Variants in RIMS2 observed in about 807,000 individuals in gnomAD.
The protein encoded by RIMS2 is regulating synaptic membrane exocytosis 2.
In RIMS2, 59 loss-of-function variants were observed where a neutral mutation model predicts 174.4. That is an observed-to-expected ratio of 0.34 (90% CI 0.27 to 0.42). RIMS2 has a LOEUF of 0.42. Ranked by LOEUF, RIMS2 falls within the 10% of genes least tolerant of loss-of-function variation. The probability of loss-of-function intolerance (pLI) is 1.00; values close to 1 mark genes in which losing one functional copy is unlikely to be tolerated. For synonymous variants in RIMS2, 606 were observed against 572.5 expected (o/e 1.06, Z -0.84); for missense variants, 1,620 against 1,666.3 (o/e 0.97, Z 0.48).
chr8:104,009,527 G>T (rs2095690428), intron 17 of RIMS2, among the ~76,000 whole-genome samples: 1 of 151,874 alleles, frequency 6.6e-6, no homozygotes. Context: ...AAACACCTAA[G>T]CTCAAGCCAT....
At chr8:103,783,718 C>A (rs866178518) in intron 3 of RIMS2, among the ~76,000 whole-genome samples, 3 of 151,816 alleles carry the variant, frequency 2.0e-5, no homozygotes, top group Admixed American at 6.6e-5. Flanking sequence ...AATAATGCTG[C>A]AATAAACATA....
At chr8:103,899,905 A>C (rs1216523402) in intron 4 of RIMS2, among the ~76,000 whole-genome samples, 2 of 151,776 alleles carry the variant, frequency 1.3e-5, no homozygotes, top group East Asian at 3.9e-4. Flanking sequence ...TATAAGGTGT[A>C]AGGAAGGGAT....
At chr8:103,932,546 A>C (rs2080209678) in intron 12 of RIMS2, among the ~76,000 whole-genome samples, 1 of 152,194 alleles carries the variant, frequency 6.6e-6, no homozygotes, top group Non-Finnish European at 1.5e-5. Flanking sequence ...TGTCTTTTGG[A>C]GAGAGATACA....
chr8:103,941,607 A>G (rs2082556682), intron 13 of RIMS2, among the ~76,000 whole-genome samples: 1 of 152,178 alleles, frequency 6.6e-6, no homozygotes, highest in South Asian at 2.1e-4. Context: ...AAACACTGTC[A>G]CTTGCACAAC....
At chr8:104,111,525 A>G (rs543967346) in intron 19 of RIMS2, among the ~76,000 whole-genome samples, 139 of 152,232 alleles carry the variant, frequency 9.1e-4, no homozygotes, top group African/African-American at 3.3e-3. Context: ...CTCCTGCCTC[A>G]GCCTCTCCAG....
At chr8:103,631,017 T>A (rs1295241020) in intron 1 of RIMS2, among the ~76,000 whole-genome samples, 2 of 152,246 alleles carry the variant, frequency 1.3e-5, no homozygotes, top group Non-Finnish European at 2.9e-5. Context: ...ATGTTGGATA[T>A]TAGATCTTTG....
At position 104,200,634 on chromosome 8, in the gene RIMS2, C is replaced by T. The variant is rs147142728; in HGVS notation, c.3335-44282C>T. 1.9e-3 allele frequency among the ~76,000 whole-genome samples: 288 copies of T among 152,302 alleles called. 2 individuals are homozygous for T. Among genetic ancestry groups the T allele is most frequent in the African/African-American group, 6.3e-3 (263 of 41,566 alleles). On this transcript the variant is annotated intron_variant, in intron 19 of 23. Coordinates refer to ENST00000504942, the Ensembl canonical transcript of RIMS2. ...AAAACTATGCCAGTGAGAGGCCGGGCGTGGCGCTCACGCTGTAATCCCAGC... is the reference window on the plus strand; with the variant it reads ...AAAACTATGCCAGTGAGAGGCCGGGTGTGGCGCTCACGCTGTAATCCCAGC...
At chr8:103,764,560 T>C (rs1248670740) in intron 2 of RIMS2, among the ~76,000 whole-genome samples, 1 of 152,204 alleles carries the variant, frequency 6.6e-6, no homozygotes, top group African/African-American at 2.4e-5. Context: ...ATATTTCATG[T>C]CTATTAAAAC....
At chr8:104,209,594 T>TTTGTTTG (rs1459613503) in intron 19 of RIMS2, among the ~76,000 whole-genome samples, 2 of 152,210 alleles carry the variant, frequency 1.3e-5, no homozygotes, top group Non-Finnish European at 2.9e-5. Flanking sequence ...ACTGGCTTAT[T>TTTGTTTG]TTGTTTGTTG....
At chr8:103,788,629 C>G (rs983103176) in intron 3 of RIMS2, among the ~76,000 whole-genome samples, 1 of 152,052 alleles carries the variant, frequency 6.6e-6, no homozygotes, top group African/African-American at 2.4e-5. Context: ...TTTGCCCGTT[C>G]TCAGATCTCC....
At chr8:103,923,842 A>C (rs1316597248) in intron 10 of RIMS2, among the ~76,000 whole-genome samples, 1 of 151,750 alleles carries the variant, frequency 6.6e-6, no homozygotes, top group Non-Finnish European at 1.5e-5. Flanking sequence ...ATCACCTATA[A>C]TCCTGACACT....
At chr8:103,662,489 T>G (rs948443521) in intron 1 of RIMS2, among the ~76,000 whole-genome samples, 1 of 152,178 alleles carries the variant, frequency 6.6e-6, no homozygotes, top group African/African-American at 2.4e-5. Flanking sequence ...CTCCAATGTC[T>G]TTTTCAAAGA....
intron 17 of RIMS2, among the ~76,000 whole-genome samples, chr8:103,999,936 G>A (rs956363624): frequency 5.3e-5 from 8 of 151,656 alleles, no homozygotes; most frequent in African/African-American, 1.9e-4. Flanking sequence ...GATCATTAAT[G>A]TTTATATTAA....
intron 15 of RIMS2, among the ~76,000 whole-genome samples, chr8:103,971,543 C>G (rs2092875013): frequency 1.3e-5 from 2 of 151,868 alleles, no homozygotes; most frequent in African/African-American, 2.4e-5. Context: ...CCTTAATAAA[C>G]TTTTCTTACT....
At chr8:104,006,626 T>TTCTC (rs55665972) in intron 17 of RIMS2, among the ~76,000 whole-genome samples, 4,888 of 138,034 alleles carry the variant, frequency 0.035, 105 homozygotes, top group East Asian at 0.058. Flanking sequence ...AGTGATCTAT[T>TTCTC]TCTCTCTCTC....
At chr8:104,056,615 C>G (rs1229387844) in intron 19 of RIMS2, among the ~76,000 whole-genome samples, 1 of 152,166 alleles carries the variant, frequency 6.6e-6, no homozygotes, top group Non-Finnish European at 1.5e-5. Flanking sequence ...GGCACAGTGG[C>G]TCATGCCTGT....
chr8:103,538,008 G>A (rs1840640101), intron 1 of RIMS2, among the ~76,000 whole-genome samples: 1 of 152,008 alleles, frequency 6.6e-6, no homozygotes, highest in Non-Finnish European at 1.5e-5. Context: ...GACAATATAT[G>A]GAATATGTTT....
chr8:104,062,267 G>C (rs1169341407), intron 19 of RIMS2, among the ~76,000 whole-genome samples: 1 of 152,026 alleles, frequency 6.6e-6, no homozygotes, highest in Non-Finnish European at 1.5e-5. Context: ...AGCTGGGCGT[G>C]GTGGTGCAAG....
chr8:103,656,985 A>G (rs1231312823), intron 1 of RIMS2, among the ~76,000 whole-genome samples: 1 of 152,168 alleles, frequency 6.6e-6, no homozygotes, highest in Admixed American at 6.5e-5. Context: ...GGGGAAAGTA[A>G]CCATTCTGAA....
Sources: gnomAD v4.1 joint callset for allele counts (sites outside exome capture counted in the v4.1 genomes callset) on GRCh38, gnomAD v4.1.1 for gene constraint, MANE v1.5 for transcripts, NCBI Gene and HGNC (gene_info 2026-07-23, HGNC 2026-07-21) for gene names.